Variants in CSMD1 observed in about 807,000 individuals in gnomAD.
The protein encoded by CSMD1 is CUB and Sushi multiple domains 1.
In CSMD1, 213 loss-of-function variants were observed where a neutral mutation model predicts 417.5. The observed-to-expected ratio is 0.51, with a 90% confidence interval of 0.46 to 0.57. The LOEUF (loss-of-function observed/expected upper bound fraction) is 0.57. CSMD1 is among the 20% of genes least tolerant of loss of function. CSMD1 has a pLI of 0.00. For missense variants in CSMD1, 6,923 were observed against 4,529.7 expected, an observed-to-expected ratio of 1.53 and a Z score of -15.17; for synonymous variants, 2,862 against 1,736.8, an observed-to-expected ratio of 1.65 and a Z score of -16.11.
intron 5 of CSMD1, among the ~76,000 whole-genome samples, chr8:3,845,269 C>G (rs1803421534): frequency 6.6e-6 from 1 of 152,162 alleles, no homozygotes. Flanking sequence ...TGTCCTTGTG[C>G]AAATATCGTA....
intron 1 of CSMD1, among the ~76,000 whole-genome samples, chr8:4,903,584 G>C (rs111609498): frequency 6.6e-6 from 1 of 152,196 alleles, no homozygotes; most frequent in Admixed American, 6.5e-5. Flanking sequence ...TAAAATACCT[G>C]TAAATGTCAA....
chr8:4,439,849 T>G (rs1459161084), intron 2 of CSMD1, among the ~76,000 whole-genome samples: 2 of 152,170 alleles, frequency 1.3e-5, no homozygotes. Context: ...GAAGGCAGCT[T>G]CGAAAGATAG....
chr8:3,197,201 A>G (rs1796749029), intron 33 of CSMD1, among the ~76,000 whole-genome samples: 1 of 152,158 alleles, frequency 6.6e-6, no homozygotes, highest in African/African-American at 2.4e-5. Flanking sequence ...TGGGAAGCAG[A>G]AGGCTAGAGA....
At chr8:2,988,527 A>G (rs1298354854) in intron 54 of CSMD1, among the ~76,000 whole-genome samples, 1 of 152,176 alleles carries the variant, frequency 6.6e-6, no homozygotes, top group East Asian at 1.9e-4. Flanking sequence ...AATAGGGGAC[A>G]AAGTTTCCAA....
At chr8:4,387,923 A>G (rs1803565176) in intron 3 of CSMD1, among the ~76,000 whole-genome samples, 1 of 152,146 alleles carries the variant, frequency 6.6e-6, no homozygotes, top group Non-Finnish European at 1.5e-5. Flanking sequence ...AAATATGACT[A>G]TCGAGTAACA....
chr8:4,254,322 A>G (rs1404507028), intron 3 of CSMD1, among the ~76,000 whole-genome samples: 1 of 152,126 alleles, frequency 6.6e-6, no homozygotes, highest in Admixed American at 6.5e-5. Context: ...ATTATTGATA[A>G]CATTCGTTCT....
chr8:3,617,052 T>C (rs1319952283), intron 7 of CSMD1, among the ~76,000 whole-genome samples: 1 of 152,124 alleles, frequency 6.6e-6, no homozygotes, highest in African/African-American at 2.4e-5. Context: ...CAAAATTTAA[T>C]AAAAAATCTC....
chr8:4,297,059 G>A (rs768468274), intron 3 of CSMD1, among the ~76,000 whole-genome samples: 6 of 144,318 alleles, frequency 4.2e-5, no homozygotes, highest in South Asian at 2.3e-4. Context: ...AAAAATGGTC[G>A]GATGGGTTAG....
intron 50 of CSMD1, among the ~76,000 whole-genome samples, chr8:3,029,969 A>G (rs1056861784): frequency 2.6e-5 from 4 of 152,104 alleles, no homozygotes; most frequent in African/African-American, 9.7e-5. Flanking sequence ...AACCTATGAA[A>G]CACACATATA....
At chr8:4,753,404 CACACA>C (rs1811467790) in intron 1 of CSMD1, among the ~76,000 whole-genome samples, 1 of 51,786 alleles carries the variant, frequency 1.9e-5, no homozygotes, top group Non-Finnish European at 5.2e-5. Context: ...CACCATAAAC[CACACA>C]CACACACACA....
chr8:3,518,082 A>C (rs1028537843), intron 10 of CSMD1, among the ~76,000 whole-genome samples: 1 of 152,310 alleles, frequency 6.6e-6, no homozygotes, highest in Admixed American at 6.5e-5. Context: ...ATGTGATTAT[A>C]ACTATAAAAC....
chr8:3,341,348 G>T (rs1563289816), intron 23 of CSMD1, among the ~76,000 whole-genome samples: 1 of 152,154 alleles, frequency 6.6e-6, no homozygotes, highest in African/African-American at 2.4e-5. Flanking sequence ...TTGATTCCAA[G>T]CCCCTGAAAT....
chr8:4,416,811 A>G (rs565619950), intron 3 of CSMD1, among the ~76,000 whole-genome samples: 4 of 152,246 alleles, frequency 2.6e-5, no homozygotes, highest in African/African-American at 9.6e-5. Context: ...GCTTGATGAC[A>G]AAGTAATATT....
chr8:3,160,148 G>C (rs1343194403), intron 38 of CSMD1, among the ~76,000 whole-genome samples: 1 of 152,048 alleles, frequency 6.6e-6, no homozygotes, highest in South Asian at 2.1e-4. Flanking sequence ...TTTTAAGATA[G>C]GGTCTTGCTC....
intron 1 of CSMD1, among the ~76,000 whole-genome samples, chr8:4,697,005 C>T (rs972458134): frequency 6.6e-6 from 1 of 152,012 alleles, no homozygotes; most frequent in Non-Finnish European, 1.5e-5. Context: ...AACCCTGTCT[C>T]TACTAAAAAT....
At chr8:4,565,457 C>T (rs1287121835) in intron 2 of CSMD1, among the ~76,000 whole-genome samples, 3 of 151,770 alleles carry the variant, frequency 2.0e-5, no homozygotes, top group Admixed American at 6.6e-5. Flanking sequence ...TAGATTTTAG[C>T]CCAGGCATAG....
chr8:3,637,089 C>G (rs955475159), intron 7 of CSMD1, among the ~76,000 whole-genome samples: 10 of 152,136 alleles, frequency 6.6e-5, no homozygotes, highest in Admixed American at 5.2e-4. Context: ...TTCCCAGACT[C>G]CAAAACTATA....
intron 12 of CSMD1, among the ~76,000 whole-genome samples, chr8:3,414,388 A>G (rs1813001253): frequency 6.6e-6 from 1 of 152,008 alleles, no homozygotes; most frequent in Non-Finnish European, 1.5e-5. Flanking sequence ...CTTCCCCAAA[A>G]TACATCACAC....
intron 3 of CSMD1, among the ~76,000 whole-genome samples, chr8:4,309,657 GT>G (rs1314694390): frequency 6.6e-6 from 1 of 152,028 alleles, no homozygotes; most frequent in African/African-American, 2.4e-5. Context: ...AAATTAGACC[GT>G]ATTTGAGCAT....
Sources: allele counts gnomAD v4.1 joint callset (sites outside exome capture counted in the v4.1 genomes callset), GRCh38; gene constraint gnomAD v4.1.1; transcripts MANE v1.5; gene names NCBI Gene and HGNC (gene_info 2026-07-23, HGNC 2026-07-21).